The following HYCC2 variants were observed in gnomAD, a reference collection of about 807,000 sequenced individuals.
HYCC2 encodes hyccin PI4KA lipid kinase complex subunit 2, also known as hyccin 2.
the HYCC2 span, among the ~76,000 whole-genome samples, chr2:201,069,413 T>G: frequency 1.1e-4 from 16 of 152,134 alleles, no homozygotes; most frequent in Non-Finnish European, 1.9e-4. Context: ...TGGACTAGTG[T>G]TTCTTTAGCT....
the HYCC2 span, chr2:200,974,789 T>C: frequency 1.3e-5 from 2 of 152,002 alleles, no homozygotes; most frequent in African/African-American, 4.8e-5. Context: ...TTAGTTCTTA[T>C]TGGGCTATAC....
At chr2:201,062,441 G>A in the HYCC2 span, among the ~76,000 whole-genome samples, 2 of 152,162 alleles carry the variant, frequency 1.3e-5, no homozygotes, top group Non-Finnish European at 2.9e-5. Flanking sequence ...AAGGTCAGGA[G>A]ATCGAGAGCA....
At chr2:201,023,665 T>A in the HYCC2 span, 1 of 212,190 alleles carries the variant, frequency 4.7e-6, no homozygotes, top group African/African-American at 2.3e-5. Context: ...TTGTGCCTTA[T>A]TAAAGCTTGA....
the HYCC2 span, among the ~76,000 whole-genome samples, chr2:201,053,808 C>CA: frequency 6.6e-6 from 1 of 151,208 alleles, no homozygotes; most frequent in Admixed American, 6.6e-5. Context: ...ACTAAAAATA[C>CA]AAAAAATTCG....
chr2:201,049,358 C>A, the HYCC2 span, among the ~76,000 whole-genome samples: 1 of 150,652 alleles, frequency 6.6e-6, no homozygotes, highest in Non-Finnish European at 1.5e-5. Flanking sequence ...TTTTTCTTTT[C>A]TTTTTTTTTG....
the HYCC2 span, chr2:200,976,490 T>C: frequency 6.6e-6 from 1 of 152,166 alleles, no homozygotes; most frequent in African/African-American, 2.4e-5. Flanking sequence ...AGACAACTGA[T>C]TGTCAACAAC....
chr2:200,981,869 C>T, the HYCC2 span: 9 of 1,593,696 alleles, frequency 5.6e-6, no homozygotes, highest in Non-Finnish European at 7.7e-6. This position sits in a 1 kb window ranked among gnomAD's most constrained non-coding sequence, Gnocchi z 4.5. Context: ...ACACCCTCAG[C>T]ACCTAAGAAA....
At chr2:201,006,758 T>A in the HYCC2 span, among the ~76,000 whole-genome samples, 9 of 152,180 alleles carry the variant, frequency 5.9e-5, no homozygotes, top group Non-Finnish European at 1.0e-4. Flanking sequence ...TTTACTGCCA[T>A]CCTGTGACAT....
At chr2:200,984,669 G>C in the HYCC2 span, among the ~76,000 whole-genome samples, 7 of 152,228 alleles carry the variant, frequency 4.6e-5, no homozygotes, top group Non-Finnish European at 1.0e-4. Context: ...CAGATCCCTT[G>C]AGTTGAGGAG....
At chr2:201,005,334 C>G in the HYCC2 span, among the ~76,000 whole-genome samples, 1 of 152,100 alleles carries the variant, frequency 6.6e-6, no homozygotes. Flanking sequence ...GTCATCATTA[C>G]TATTCTGTTA....
At chr2:201,024,888 G>C in the HYCC2 span, among the ~76,000 whole-genome samples, 1 of 151,978 alleles carries the variant, frequency 6.6e-6, no homozygotes, top group African/African-American at 2.4e-5. Context: ...GGCTGAGGCA[G>C]GACTGAGCCC....
chr2:201,022,869 G>A, the HYCC2 span: 1 of 1,613,310 alleles, frequency 6.2e-7, no homozygotes, highest in South Asian at 1.1e-5. Flanking sequence ...TAGAGGGCTG[G>A]TACAAGTGTT....
chr2:201,028,763 G>T, the HYCC2 span, among the ~76,000 whole-genome samples: 13 of 152,200 alleles, frequency 8.5e-5, no homozygotes, highest in Non-Finnish European at 1.6e-4. Flanking sequence ...ATAGCCAAAT[G>T]TAGAAAGCTG....
the HYCC2 span, among the ~76,000 whole-genome samples, chr2:201,045,876 T>C: frequency 1.3e-5 from 2 of 152,312 alleles, no homozygotes; most frequent in East Asian, 3.9e-4. Context: ...GGAGCCTCAC[T>C]TGCATTATTT....
chr2:201,029,753 G>A, the HYCC2 span, among the ~76,000 whole-genome samples: 1 of 152,016 alleles, frequency 6.6e-6, no homozygotes, highest in Non-Finnish European at 1.5e-5. Context: ...CACAGGGTGG[G>A]GAACATCATT....
chr2:201,033,639 C>CAG, the HYCC2 span, among the ~76,000 whole-genome samples: 1 of 151,922 alleles, frequency 6.6e-6, no homozygotes, highest in South Asian at 2.1e-4. Flanking sequence ...CTCCTGACCT[C>CAG]GTGATCTGCC....
the HYCC2 span, chr2:200,992,804 T>C: frequency 4.6e-6 from 4 of 866,034 alleles, no homozygotes; most frequent in African/African-American, 6.7e-5. Flanking sequence ...TTCAGTATTG[T>C]GTCGGATAAG....
At chr2:201,013,944 T>C in the HYCC2 span, among the ~76,000 whole-genome samples, 1 of 152,052 alleles carries the variant, frequency 6.6e-6, no homozygotes, top group African/African-American at 2.4e-5. Context: ...GAAAAGAATA[T>C]ATGGATGACT....
At chr2:201,021,955 C>A in the HYCC2 span, 4 of 563,210 alleles carry the variant, frequency 7.1e-6, no homozygotes, top group African/African-American at 3.9e-5. Context: ...GAGCCAGTCA[C>A]AATTTAGGAG....
Sources: allele counts gnomAD v4.1 joint callset (sites outside exome capture counted in the v4.1 genomes callset), GRCh38; gene constraint gnomAD v4.1.1; non-coding constraint Gnocchi (gnomAD v3.1); transcripts MANE v1.5; gene names NCBI Gene and HGNC (gene_info 2026-07-23, HGNC 2026-07-21).